Variants in ST7 observed in about 807,000 individuals in gnomAD.
The protein encoded by ST7 is suppression of tumorigenicity 7.
In ST7, 28 loss-of-function variants were observed where a neutral mutation model predicts 78.7. The ratio of observed to expected loss-of-function variants is 0.36; its 90% confidence interval spans 0.26 to 0.49. The LOEUF is 0.49. Ranked by LOEUF, ST7 falls within the 20% of genes least tolerant of loss-of-function variation. The pLI is 0.99. For missense variants in ST7, 418 were observed against 696.0 expected, an observed-to-expected ratio of 0.60 and a Z score of 4.49; for synonymous variants, 247 against 249.6, an observed-to-expected ratio of 0.99 and a Z score of 0.10.
At chr7:117,217,636 A>G (rs2116132095) in intron 13 of ST7, among the ~76,000 whole-genome samples, 1 of 152,354 alleles carries the variant, frequency 6.6e-6, no homozygotes, top group African/African-American at 2.4e-5. Flanking sequence ...GTTTGCGTGC[A>G]AGAAAAGGTC....
rs1268056575 is a variant in ST7 at position 117,196,388 on chromosome 7, AACAG to A, written c.1254+5453_1254+5456del. ...GGCTGCACCATTGTACATTCCCACCAACAGTGCACAAGGGTTCCAGTTTTTCCAC... is the reference window on the plus strand; with the variant it reads ...GGCTGCACCATTGTACATTCCCACCATGCACAAGGGTTCCAGTTTTTCCAC... On this transcript the variant is annotated intron_variant, in intron 12 of 15. Transcript: ENST00000323984. Among the ~76,000 whole-genome samples, 7 of 30,942 alleles carry A rather than the reference AACAG, an allele frequency of 2.3e-4. No homozygotes were observed. In the Admixed American group the frequency reaches 3.3e-3, roughly 15 times the overall value. The allele number at this position is 30,942 out of a possible 152,430, so 20.3% of individuals were successfully genotyped here.
At chr7:117,198,182 A>G in intron 12 of ST7, 1 of 319,688 alleles carries the variant, frequency 3.1e-6, no homozygotes, top group Non-Finnish European at 6.3e-6. Flanking sequence ...TAAAATGAGG[A>G]TAAAAGTAAT....
At chr7:117,136,289 A>G in intron 8 of ST7, 54 bp downstream of exon 8, 1 of 1,606,296 alleles carries the variant, frequency 6.2e-7, no homozygotes. Flanking sequence ...AAAAATTATT[A>G]ATCAGAGCAA....
chr7:117,110,644 G>A (rs190274833), intron 2 of ST7, among the ~76,000 whole-genome samples: 3 of 152,306 alleles, frequency 2.0e-5, no homozygotes, highest in Admixed American at 1.3e-4. Context: ...CTGTACAAAT[G>A]GTAGGTCTGG....
intron 1 of ST7, among the ~76,000 whole-genome samples, chr7:116,979,448 G>T (rs1793848160): frequency 6.6e-6 from 1 of 152,050 alleles, no homozygotes. Context: ...CAACTTCCAG[G>T]TTTGCATTTT....
At chr7:117,116,259 C>T (rs1039969925) in intron 2 of ST7, among the ~76,000 whole-genome samples, 1 of 152,124 alleles carries the variant, frequency 6.6e-6, no homozygotes, top group Non-Finnish European at 1.5e-5. Flanking sequence ...GGTTGTCAGA[C>T]CAAAAACTGT....
chr7:117,055,105 A>T (rs938897310), intron 1 of ST7, among the ~76,000 whole-genome samples: 1 of 152,224 alleles, frequency 6.6e-6, no homozygotes, highest in Non-Finnish European at 1.5e-5. Flanking sequence ...GTAATTCACT[A>T]TACCAAGGAT....
intron 13 of ST7, among the ~76,000 whole-genome samples, chr7:117,214,140 G>T (rs1316834762): frequency 6.6e-6 from 1 of 152,132 alleles, no homozygotes; most frequent in African/African-American, 2.4e-5. Context: ...TTAGAAAGCA[G>T]GGTCGCCTGC....
At chr7:117,057,176 T>C (rs759066344) in intron 1 of ST7, among the ~76,000 whole-genome samples, 3 of 152,230 alleles carry the variant, frequency 2.0e-5, no homozygotes, top group Non-Finnish European at 4.4e-5. Flanking sequence ...GGTTTTCATA[T>C]ACATACTTAG....
At chr7:117,026,644 G>A (rs2116098614) in intron 1 of ST7, among the ~76,000 whole-genome samples, 1 of 152,316 alleles carries the variant, frequency 6.6e-6, no homozygotes, top group East Asian at 1.9e-4. Context: ...CACTTGCTTG[G>A]ATTCATATCA....
At chr7:117,176,290 A>T (rs887833536) in intron 10 of ST7, among the ~76,000 whole-genome samples, 1 of 152,208 alleles carries the variant, frequency 6.6e-6, no homozygotes, top group African/African-American at 2.4e-5. Context: ...CAACCACTAT[A>T]TCAAGATCAT....
chr7:117,008,122 C>T (rs1795230329), intron 1 of ST7, among the ~76,000 whole-genome samples: 1 of 152,068 alleles, frequency 6.6e-6, no homozygotes, highest in South Asian at 2.1e-4. Flanking sequence ...AAAAAGTCAT[C>T]CATGTGAACT....
intron 2 of ST7, chr7:117,112,303 G>C (rs1049668888): frequency 2.6e-5 from 4 of 152,130 alleles, no homozygotes; most frequent in African/African-American, 9.7e-5. Context: ...TATAACAAAA[G>C]ATCTATTTAT....
At chr7:117,205,763 A>G (rs1383670269) in intron 12 of ST7, among the ~76,000 whole-genome samples, 3 of 152,214 alleles carry the variant, frequency 2.0e-5, no homozygotes, top group Admixed American at 6.5e-5. Context: ...ACACAAATAG[A>G]TTTTGAAAAG....
At chr7:116,966,538 A>G (rs1452904238) in intron 1 of ST7, among the ~76,000 whole-genome samples, 1 of 152,104 alleles carries the variant, frequency 6.6e-6, no homozygotes, top group African/African-American at 2.4e-5. Flanking sequence ...GGCATGAGCT[A>G]CTGCGCCCAG....
chr7:117,032,486 A>G (rs1796654862), intron 1 of ST7, among the ~76,000 whole-genome samples: 1 of 152,164 alleles, frequency 6.6e-6, no homozygotes, highest in African/African-American at 2.4e-5. Context: ...AGACTCTAAT[A>G]AATCTATGGA....
chr7:117,169,959 A>G (rs1807866490), intron 9 of ST7, among the ~76,000 whole-genome samples: 1 of 152,122 alleles, frequency 6.6e-6, no homozygotes, highest in Non-Finnish European at 1.5e-5. Context: ...GCAGAAACTC[A>G]TAAACCTTCC....
intron 1 of ST7, chr7:117,081,047 C>CT (rs1194443053): frequency 6.6e-6 from 1 of 152,008 alleles, no homozygotes; most frequent in East Asian, 1.9e-4. Flanking sequence ...CTTTAAATTT[C>CT]TTTCTTGTTT....
At chr7:117,045,323 G>A (rs1293600614) in intron 1 of ST7, among the ~76,000 whole-genome samples, 1 of 152,090 alleles carries the variant, frequency 6.6e-6, no homozygotes, top group African/African-American at 2.4e-5. Context: ...ATACCTCTCT[G>A]ATGTTACCTT....
Sources: allele counts gnomAD v4.1 joint callset (sites outside exome capture counted in the v4.1 genomes callset), GRCh38; gene constraint gnomAD v4.1.1; transcripts MANE v1.5; gene names NCBI Gene and HGNC (gene_info 2026-07-23, HGNC 2026-07-21).